The following RP1 variants were observed in gnomAD, a reference collection of about 807,000 sequenced individuals.
The protein encoded by RP1 is oxygen-regulated protein 1.
In RP1, 16 loss-of-function variants were observed where a neutral mutation model predicts 14.8. The ratio of observed to expected loss-of-function variants is 1.08; its 90% CI spans 0.73 to 1.65. RP1 has a LOEUF of 1.65. RP1 is among the 40% of genes most tolerant of loss of function. The probability of loss-of-function intolerance (pLI) is 0.00; values close to 1 mark genes in which losing one functional copy is unlikely to be tolerated. For missense variants in RP1, 2,631 were observed against 2,535.0 expected (o/e 1.04, Z -0.81); for synonymous variants, 876 against 883.6 (o/e 0.99, Z 0.15).
chr8:54,677,500 G>A (rs898045496), intron 8 of RP1, among the ~76,000 whole-genome samples: 2 of 152,176 alleles, frequency 1.3e-5, no homozygotes, highest in Non-Finnish European at 2.9e-5. Context: ...GCTGAGGTGT[G>A]AGGATTGCTT....
intron 1 of RP1, among the ~76,000 whole-genome samples, chr8:54,603,844 G>T (rs1238043295): frequency 6.6e-6 from 1 of 152,134 alleles, no homozygotes; most frequent in Non-Finnish European, 1.5e-5. Context: ...CTGTTTGTCT[G>T]TTATTGGTGT....
intron 5 of RP1, among the ~76,000 whole-genome samples, chr8:54,653,880 C>T (rs1806704601): frequency 6.6e-6 from 1 of 152,062 alleles, no homozygotes; most frequent in East Asian, 1.9e-4. Context: ...GGTAAACTAA[C>T]ATATGAAAAT....
At position 54,627,770 on chromosome 8, in the gene RP1, T is replaced by C; in HGVS notation, c.3888T>C (p.Ala1296=). Residue 1296 remains alanine (A), a synonymous_variant, in exon 4 of 4, where the codon GCT becomes GCC. Transcript: ENST00000220676. ...YGVDQTSMNK[A]CFLGEVCSLT... is the part of the protein sequence containing the mutation. Reference sequence around the variant, plus strand: ...TGGATCAGACTTCTATGAATAAGGCTTGTTTCCTAGGAGAGGTCTGTTCAC... The same window carrying C: ...TGGATCAGACTTCTATGAATAAGGCCTGTTTCCTAGGAGAGGTCTGTTCAC... The C allele has an allele frequency of 6.2e-7, 1 of 1,614,166 alleles. No homozygotes were observed.
chr8:54,730,192 C>A (rs371941320), intron 17 of RP1, among the ~76,000 whole-genome samples: 30 of 152,064 alleles, frequency 2.0e-4, no homozygotes, highest in East Asian at 1.2e-3. Context: ...CCCATAAATT[C>A]TTTTGGCCTA....
chr8:54,621,065 T>G lies in RP1; in HGVS notation c.99T>G (p.Val33=). 6.2e-7 allele frequency: 1 copy of G among 1,614,142 alleles called. No homozygotes were observed. The highest frequency in any genetic ancestry group is 8.5e-7 in the Non-Finnish European group (1 of 1,180,030). The change falls in exon 2 of 4, where the codon GTT becomes GTG. Residue 33 remains valine (V), a synonymous_variant. Transcript: ENST00000220676. ...GCCATTTGAGCCTCACTCATCCTGT[T>G]GTGGCCAAGCGAATCAGTTTCTACA... The part of the protein sequence containing the change: ...PPRHLSLTHP[V]VAKRISFYKS...
chr8:54,745,383 G>A (rs1809196979), intron 19 of RP1, among the ~76,000 whole-genome samples: 1 of 152,166 alleles, frequency 6.6e-6, no homozygotes, highest in Non-Finnish European at 1.5e-5. Context: ...GACATTGTAA[G>A]TACCACCATA....
chr8:54,727,434 G>A (rs184802991), intron 17 of RP1, among the ~76,000 whole-genome samples: 1 of 152,156 alleles, frequency 6.6e-6, no homozygotes, highest in Non-Finnish European at 1.5e-5. Flanking sequence ...AATTTGAATT[G>A]GTTGAAAATA....
At chr8:54,760,857 G>T (rs1809621510) in intron 22 of RP1, among the ~76,000 whole-genome samples, 1 of 152,056 alleles carries the variant, frequency 6.6e-6, no homozygotes, top group African/African-American at 2.4e-5. Context: ...TGACTTAATT[G>T]GCCAAACTAC....
At chr8:54,783,116 C>G (rs1810230364) in intron 23 of RP1, among the ~76,000 whole-genome samples, 2 of 152,146 alleles carry the variant, frequency 1.3e-5, no homozygotes, top group African/African-American at 4.8e-5. Flanking sequence ...CTGCTAGGAT[C>G]ACCAAACTGT....
chr8:54,640,632 A>G (rs1344883409), intron 3 of RP1, among the ~76,000 whole-genome samples: 1 of 152,138 alleles, frequency 6.6e-6, no homozygotes, highest in Admixed American at 6.5e-5. Context: ...TGGTGCTTAG[A>G]TTCAACATGC....
rs879274498 is a variant in RP1, at chr8:54,682,245, A to AT, written c.1717+2325dup. Among the ~76,000 whole-genome samples, 75 of 145,884 alleles carry AT rather than the reference A, an allele frequency of 5.1e-4. 1 individual carries two copies. Among genetic ancestry groups the AT allele is most frequent in the South Asian group, 1.1e-3 (5 of 4,594 alleles). ...TTTTTCCCCTTTTTTTTAAATTAAA[A>AT]TTTTTTTTTTTTTACTTTAAGTTCT... On this transcript the variant is annotated intron_variant, in intron 12 of 22. Transcript: ENST00000636932.
chr8:54,739,178 T>TA, intron 19 of RP1: 1 of 467,844 alleles, frequency 2.1e-6, no homozygotes, highest in Non-Finnish European at 3.7e-6. Flanking sequence ...TCATGGTAAA[T>TA]AAAAAATATC....
chr8:54,817,702 T>C (rs1438369962), intron 24 of RP1, among the ~76,000 whole-genome samples: 2 of 152,228 alleles, frequency 1.3e-5, no homozygotes, highest in African/African-American at 2.4e-5. Flanking sequence ...CTCACTTATG[T>C]AGGGAGACTT....
intron 3 of RP1, among the ~76,000 whole-genome samples, chr8:54,623,539 T>C (rs915576376): frequency 1.3e-5 from 2 of 152,060 alleles, no homozygotes; most frequent in Middle Eastern, 3.4e-3. Flanking sequence ...GCTCAAGTGA[T>C]CACCCGCCTC....
At chr8:54,857,429 A>T (rs1228688657) in intron 27 of RP1, among the ~76,000 whole-genome samples, 1 of 149,490 alleles carries the variant, frequency 6.7e-6, no homozygotes, top group Non-Finnish European at 1.5e-5. Context: ...GTATATTTAC[A>T]TTAAATATAA....
rs145361798 is a variant in RP1, at chr8:54,790,930, C to A, written c.3615+7220C>A. On this transcript the variant is annotated intron_variant, in intron 24 of 28. Transcript: ENST00000637698. Reference sequence around the variant, plus strand: ...AAGAAGGAAAGATAGGGACAAAAAGCCTATTTAAAGAAATGATTACTGAAA... The same window carrying A: ...AAGAAGGAAAGATAGGGACAAAAAGACTATTTAAAGAAATGATTACTGAAA... Among the ~76,000 whole-genome samples, 143 of 152,146 alleles carry A rather than the reference C, an allele frequency of 9.4e-4. 2 individuals are homozygous for A. In the East Asian group the frequency reaches 0.027, roughly 29 times the overall value.
At chr8:54,640,171 T>A (rs1191143926) in intron 3 of RP1, among the ~76,000 whole-genome samples, 6 of 152,082 alleles carry the variant, frequency 3.9e-5, no homozygotes, top group Non-Finnish European at 7.4e-5. Context: ...TTATTTTAAA[T>A]GGACATCCAA....
chr8:54,786,111 AT>A (rs1242057407), intron 24 of RP1, among the ~76,000 whole-genome samples: 1 of 152,010 alleles, frequency 6.6e-6, no homozygotes, highest in Non-Finnish European at 1.5e-5. Context: ...GCTGGTATGG[AT>A]TTAAGTTACC....
intron 24 of RP1, among the ~76,000 whole-genome samples, chr8:54,817,407 G>A (rs936061826): frequency 2.6e-5 from 4 of 152,078 alleles, no homozygotes; most frequent in Admixed American, 6.6e-5. Flanking sequence ...GGGAGACTTG[G>A]GCACACATTG....
Sources: gnomAD v4.1 joint callset for allele counts (sites outside exome capture counted in the v4.1 genomes callset) on GRCh38, gnomAD v4.1.1 for gene constraint, MANE v1.5 for transcripts, NCBI Gene and HGNC (gene_info 2026-07-23, HGNC 2026-07-21) for gene names.